Variants in CAPN8 observed in about 807,000 individuals in gnomAD.
CAPN8 encodes the protein calpain 8.
CAPN8 carries 87 observed loss-of-function variants against 80.9 expected under a neutral mutation model. That is an observed-to-expected ratio of 1.07 (90% confidence interval 0.90 to 1.28). The LOEUF is 1.28. CAPN8 is among the 50% of genes most tolerant of loss of function. CAPN8 has a pLI of 0.00. For missense variants in CAPN8, 757 were observed against 702.0 expected (o/e 1.08, Z -0.89); for synonymous variants, 299 against 273.8 (o/e 1.09, Z -0.91).
In CAPN8 at chr1:223,620,744, G is replaced by T. The variant is rs1407126965; in HGVS notation, c.900-478C>A. ...AACCAGCTCTGGGGACATGGACATG[G>T]TTCACTTCCTTACACCCACGAGAAT... is the stretch of plus-strand genomic sequence containing the variant. On this transcript the variant is annotated intron_variant, in intron 7 of 20. Transcript: ENST00000366872. Among the ~76,000 whole-genome samples the T allele has an allele frequency of 7.9e-5, 12 of 152,028 alleles. No homozygotes were observed. The East Asian group carries it at 2.3e-3, about 29-fold the overall frequency.
intron 2 of CAPN8, among the ~76,000 whole-genome samples, chr1:223,642,406 C>T (rs1379818158): frequency 6.6e-6 from 1 of 152,144 alleles, no homozygotes. Context: ...ACTTCTGCTG[C>T]CCCCCATAGG....
At chr1:223,616,219 A>G (rs557961727) in intron 9 of CAPN8, 74 bp from the exon 10 acceptor site, 2 of 1,450,160 alleles carry the variant, frequency 1.4e-6, no homozygotes, top group African/African-American at 2.8e-5. Context: ...GTAAAAGGGA[A>G]GAAACTTGAT....
intron 14 of CAPN8, among the ~76,000 whole-genome samples, chr1:223,551,535 GC>G (rs1656786979): frequency 6.6e-6 from 1 of 152,206 alleles, no homozygotes; most frequent in African/African-American, 2.4e-5. Context: ...GTGTGTTAGT[GC>G]CATGAGTGTG....
intron 1 of CAPN8, among the ~76,000 whole-genome samples, chr1:223,659,532 G>A (rs755393218): frequency 9.9e-5 from 15 of 152,032 alleles, no homozygotes; most frequent in East Asian, 3.9e-4. Flanking sequence ...CCACACCTGC[G>A]CCTTCTCTTC....
intron 2 of CAPN8, among the ~76,000 whole-genome samples, chr1:223,654,001 A>G (rs1408261929): frequency 6.6e-6 from 1 of 152,244 alleles, no homozygotes; most frequent in Non-Finnish European, 1.5e-5. Flanking sequence ...GTCTACTTAA[A>G]GGTAACTACA....
At chr1:223,637,741 C>T (rs922531324) in intron 2 of CAPN8, among the ~76,000 whole-genome samples, 2 of 152,078 alleles carry the variant, frequency 1.3e-5, no homozygotes, top group African/African-American at 4.8e-5. Flanking sequence ...ACAAGAGAGA[C>T]CTAAAGATCA....
chr1:223,616,652 T>C (rs551252900), intron 9 of CAPN8, among the ~76,000 whole-genome samples: 1 of 152,314 alleles, frequency 6.6e-6, no homozygotes, highest in Admixed American at 6.5e-5. Context: ...TTAAGACAAC[T>C]GCTCTTGCCA....
At chr1:223,644,225 T>TACTTGTAACTA (rs1247406935) in intron 2 of CAPN8, 1 of 369,812 alleles carries the variant, frequency 2.7e-6, no homozygotes, top group Non-Finnish European at 5.2e-6. Context: ...ACAAGGTTCA[T>TACTTGTAACTA]ATACTCATCA....
In CAPN8 at chr1:223,629,232, T is replaced by G. The variant is rs72747933; in HGVS notation, c.308-452A>C. Among the ~76,000 whole-genome samples, 956 of 132,408 alleles carry G rather than the reference T, an allele frequency of 7.2e-3. 23 individuals carry two copies. Among genetic ancestry groups the G allele is most frequent in the African/African-American group, 0.014 (498 of 34,546 alleles). 86.9% of individuals were successfully genotyped at this position (132,408 alleles called of 152,430 possible). On this transcript the variant is annotated intron_variant, in intron 2 of 20. Coordinates refer to ENST00000366872, the MANE Select transcript of CAPN8 (RefSeq NM_001143962.2). The stretch of plus-strand genomic sequence containing the variant: ...TGTGTGTGTGTGTGTGTGTGTGTGT[T>G]TATGTTCCTTGCCCCTCCTGACCTT...
At chr1:223,652,143 A>G (rs1658359399) in intron 2 of CAPN8, among the ~76,000 whole-genome samples, 1 of 152,180 alleles carries the variant, frequency 6.6e-6, no homozygotes, top group South Asian at 2.1e-4. Context: ...AAAAAATCCC[A>G]GCCTGGACGA....
At chr1:223,543,299 C>A in intron 19 of CAPN8, 133 bp from the exon 20 acceptor site, 1 of 1,068,192 alleles carries the variant, frequency 9.4e-7, no homozygotes, top group Non-Finnish European at 1.3e-6. Flanking sequence ...TCCCCTCCAG[C>A]CCCCACCTAG....
intron 14 of CAPN8, among the ~76,000 whole-genome samples, chr1:223,552,486 C>T (rs370311028): frequency 6.6e-6 from 1 of 150,554 alleles, no homozygotes; most frequent in Admixed American, 6.6e-5. Context: ...ATCGCTTGAA[C>T]CCGGGAAGCA....
At chr1:223,628,187 G>A (rs1486628908) in intron 3 of CAPN8, 45 bp from the exon 4 acceptor site, 3 of 1,506,162 alleles carry the variant, frequency 2.0e-6, no homozygotes, top group African/African-American at 1.4e-5. Context: ...ATAAGCAGAT[G>A]TGTAAAGGGA....
intron 11 of CAPN8, 43 bp downstream of exon 11, chr1:223,612,203 T>A: frequency 1.6e-6 from 2 of 1,233,870 alleles, no homozygotes; most frequent in Non-Finnish European, 2.0e-6. Context: ...GCAGCCAAGC[T>A]ATTTCTCACC....
At chr1:223,612,936 C>G (rs1023592054) in intron 10 of CAPN8, among the ~76,000 whole-genome samples, 4 of 152,188 alleles carry the variant, frequency 2.6e-5, no homozygotes, top group South Asian at 2.1e-4. Context: ...GTTTCATGAG[C>G]TGGTACACTA....
intron 10 of CAPN8, 54 bp downstream of exon 10, chr1:223,615,916 T>G: frequency 6.5e-7 from 1 of 1,543,404 alleles, no homozygotes; most frequent in South Asian, 1.2e-5. Context: ...GGCCAAGATA[T>G]TCAGCCCCAA....
At chr1:223,655,827 G>A (rs1571741304) in intron 1 of CAPN8, among the ~76,000 whole-genome samples, 1 of 152,122 alleles carries the variant, frequency 6.6e-6, no homozygotes, top group African/African-American at 2.4e-5. Context: ...AACTGCTAGG[G>A]GAAAAGGGCA....
At chr1:223,555,739 A>T (rs1656889906) in intron 13 of CAPN8, among the ~76,000 whole-genome samples, 1 of 152,252 alleles carries the variant, frequency 6.6e-6, no homozygotes. Context: ...CATAGCAGGC[A>T]TCCCGTCACT....
At chr1:223,620,320 C>T in intron 7 of CAPN8, 54 bp from the exon 8 acceptor site, 2 of 1,481,444 alleles carry the variant, frequency 1.4e-6, no homozygotes, top group Non-Finnish European at 1.8e-6. Flanking sequence ...ACAAGCAGGG[C>T]AAGCTGTTTA....
Sources: gnomAD v4.1 joint callset for allele counts (sites outside exome capture counted in the v4.1 genomes callset) on GRCh38, gnomAD v4.1.1 for gene constraint, MANE v1.5 for transcripts, NCBI Gene and HGNC (gene_info 2026-07-23, HGNC 2026-07-21) for gene names.